Variants in VPS35L observed in about 807,000 individuals in gnomAD.
VPS35L encodes VPS35 endosomal protein-sorting factor-like.
In VPS35L, 83 loss-of-function variants were observed where a neutral mutation model predicts 133.0. The observed-to-expected ratio is 0.62, with a 90% CI of 0.52 to 0.75. VPS35L has a LOEUF of 0.75. VPS35L is among the 30% of genes least tolerant of loss of function. The pLI is 0.00. For synonymous variants in VPS35L, 423 were observed against 449.9 expected (o/e 0.94, Z 0.76); for missense variants, 1,083 against 1,206.8 (o/e 0.90, Z 1.52).
At chr16:19,647,675 C>T (rs1372766058) in intron 23 of VPS35L, 109 bp from the exon 24 acceptor site, 3 of 864,608 alleles carry the variant, frequency 3.5e-6, no homozygotes, top group Middle Eastern at 2.2e-4. Context: ...AGTCCAGTGC[C>T]CACGTCATAA....
chr16:19,652,012 C>G lies in VPS35L; in HGVS notation c.2143C>G (p.Leu715Val). 6.2e-7 allele frequency: 1 copy of G among 1,613,618 alleles called. No individual in the cohort carries two copies. ...CTACTGCTTCATCACCATCCCCTCC[C>G]TGGCGGGCATCTTCACACGTCTCAA... is the stretch of plus-strand genomic sequence containing the variant. The part of the protein sequence containing the change: ...VAYCFITIPS[L>V]AGIFTRLNLY... Residue 715 changes from leucine (L) to valine (V), a missense_variant, in exon 26 of 31, where the codon CTG becomes GTG. By Grantham distance (32) the Leu-to-Val change is conservative. Transcript: ENST00000417362.
At chr16:19,642,321 G>A in intron 21 of VPS35L, 75 bp from the exon 22 acceptor site, 1 of 1,307,266 alleles carries the variant, frequency 7.6e-7, no homozygotes, top group Non-Finnish European at 1.1e-6. Flanking sequence ...TGTGTACAGT[G>A]GATGAAAACT....
At chr16:19,635,460 A>G (rs147565712) in intron 19 of VPS35L, among the ~76,000 whole-genome samples, 1 of 152,226 alleles carries the variant, frequency 6.6e-6, no homozygotes, top group Non-Finnish European at 1.5e-5. Context: ...GAACTAACAC[A>G]GACTAAAGAG....
chr16:19,634,633 G>T (rs1973569190), intron 19 of VPS35L, among the ~76,000 whole-genome samples: 1 of 152,062 alleles, frequency 6.6e-6, no homozygotes, highest in South Asian at 2.1e-4. Context: ...TGAAAGAAAT[G>T]GTAGAATTGG....
chr16:19,666,394 TTAAAC>T (rs572804692), intron 26 of VPS35L, among the ~76,000 whole-genome samples: 5 of 152,314 alleles, frequency 3.3e-5, no homozygotes, highest in Admixed American at 6.5e-5. Flanking sequence ...ATTCTGAACT[TTAAAC>T]TATAAGGATA....
At chr16:19,625,925 C>T (rs963514904) in intron 14 of VPS35L, among the ~76,000 whole-genome samples, 4 of 152,106 alleles carry the variant, frequency 2.6e-5, no homozygotes, top group East Asian at 3.9e-4. Context: ...CCACCTGCCT[C>T]GGTCTACCAA....
chr16:19,641,102 T>G (rs1973774330), intron 21 of VPS35L, among the ~76,000 whole-genome samples: 1 of 152,138 alleles, frequency 6.6e-6, no homozygotes, highest in African/African-American at 2.4e-5. Flanking sequence ...CCCTGCTCTG[T>G]CACCCAGGCT....
At chr16:19,638,430 G>T (rs936752534) in intron 20 of VPS35L, among the ~76,000 whole-genome samples, 1 of 152,150 alleles carries the variant, frequency 6.6e-6, no homozygotes, top group Admixed American at 6.6e-5. Context: ...CCCAGGAGTT[G>T]CCTGAAACCG....
At chr16:19,573,404 T>G (rs2151510310) in intron 4 of VPS35L, 163 bp downstream of exon 4, 1 of 767,230 alleles carries the variant, frequency 1.3e-6, no homozygotes. Context: ...ATGTCAGTGT[T>G]GTTGGCAGAA....
intron 29 of VPS35L, among the ~76,000 whole-genome samples, chr16:19,695,979 C>T (rs1294704113): frequency 6.6e-6 from 1 of 152,034 alleles, no homozygotes; most frequent in Non-Finnish European, 1.5e-5. Flanking sequence ...CTCCACCTCC[C>T]AGATTCAAGT....
At chr16:19,581,128 C>T (rs1305172157) in intron 6 of VPS35L, among the ~76,000 whole-genome samples, 2 of 152,094 alleles carry the variant, frequency 1.3e-5, no homozygotes, top group African/African-American at 4.8e-5. Context: ...GCAAAAATGT[C>T]TTTGTATCTC....
At chr16:19,580,282 T>C (rs1022273258) in intron 6 of VPS35L, among the ~76,000 whole-genome samples, 2 of 150,312 alleles carry the variant, frequency 1.3e-5, no homozygotes, top group African/African-American at 4.9e-5. Flanking sequence ...CCCAGCTAAT[T>C]TTTGTATTTT....
intron 5 of VPS35L, among the ~76,000 whole-genome samples, chr16:19,577,407 T>C (rs1342226010): frequency 6.6e-6 from 1 of 152,038 alleles, no homozygotes; most frequent in Non-Finnish European, 1.5e-5. Context: ...CACCAAGCCG[T>C]TCATGGTGGA....
intron 29 of VPS35L, among the ~76,000 whole-genome samples, chr16:19,698,950 C>G (rs547433215): frequency 2.0e-5 from 3 of 152,152 alleles, no homozygotes; most frequent in African/African-American, 7.2e-5. Context: ...CAAGATACCT[C>G]TCACATCAGA....
chr16:19,594,251 A>G (rs1001307875), intron 8 of VPS35L, among the ~76,000 whole-genome samples: 3 of 152,218 alleles, frequency 2.0e-5, no homozygotes, highest in African/African-American at 7.2e-5. Flanking sequence ...GAGATGTCCC[A>G]GCTGACAGAT....
chr16:19,616,686 A>AT lies in VPS35L; in HGVS notation c.1104dup (p.His369SerfsTer51). 6.2e-7 allele frequency: 1 copy of AT among 1,613,342 alleles called. No homozygotes were observed. Among genetic ancestry groups the AT allele is most frequent in the Non-Finnish European group, 8.5e-7 (1 of 1,179,712 alleles). On this transcript the variant is annotated frameshift_variant and splice_region_variant, in exon 14 of 31. Transcript: ENST00000417362. LOFTEE classifies it high-confidence loss of function. ...TAAGTGTTTGTTTGGCCTCCTGTAG[A>AT]TTCATGGGGATACGGTCCAGAACCA...
intron 1 of VPS35L, among the ~76,000 whole-genome samples, chr16:19,558,836 T>C (rs1159494819): frequency 2.0e-5 from 3 of 151,232 alleles, no homozygotes; most frequent in Non-Finnish European, 4.4e-5. Context: ...GGCAGGAGAA[T>C]TGCTTGAACC....
intron 10 of VPS35L, 126 bp downstream of exon 10, chr16:19,608,400 C>T (rs1181946467): frequency 1.4e-6 from 1 of 734,258 alleles, no homozygotes; most frequent in Admixed American, 2.5e-5. Context: ...GTTACGGTTG[C>T]TAGCCTGAAA....
intron 28 of VPS35L, among the ~76,000 whole-genome samples, chr16:19,689,486 G>C (rs1975591734): frequency 6.6e-6 from 1 of 151,854 alleles, no homozygotes; most frequent in Non-Finnish European, 1.5e-5. Flanking sequence ...TGGCCAGGCT[G>C]GTCTCAAACT....
Sources: allele counts gnomAD v4.1 joint callset (sites outside exome capture counted in the v4.1 genomes callset), GRCh38; gene constraint gnomAD v4.1.1; transcripts MANE v1.5; gene names NCBI Gene and HGNC (gene_info 2026-07-23, HGNC 2026-07-21).